CYP39A1: variants seen among roughly 807,000 people sequenced by gnomAD.
CYP39A1 encodes 24-hydroxycholesterol 7-alpha-hydroxylase.
In CYP39A1, 49 loss-of-function variants were observed where a neutral mutation model predicts 58.1. That is an observed-to-expected ratio of 0.84 (90% CI 0.67 to 1.07). The LOEUF (loss-of-function observed/expected upper bound fraction) is 1.07, where lower values mean the gene tolerates loss of function less well. Among genes scored for constraint, CYP39A1 ranks in the 50% least tolerant of loss-of-function variants. CYP39A1 has a pLI of 0.00. For synonymous variants in CYP39A1, 209 were observed against 187.6 expected (o/e 1.11, Z -0.93); for missense variants, 531 against 539.4 (o/e 0.98, Z 0.16).
rs377533267 is a variant in CYP39A1, at chr6:46,636,500, T to C, written c.639-18A>G. The C allele has an allele frequency of 2.7e-6, 4 of 1,507,392 alleles. No homozygotes were observed. Among genetic ancestry groups the C allele is most frequent in the Admixed American group, 1.9e-5 (1 of 53,238 alleles). The allele number at this position is 1,507,392 out of a possible 1,614,324, so 93.4% of individuals were successfully genotyped here. ...ACCAGTTTCTACATGAGAAAAAATA[T>C]ATATAGAAATTAATTGGAAAGCACT... On this transcript the variant is annotated intron_variant, in intron 4 of 11. Transcript: ENST00000275016.
At chr6:46,604,301 C>A (rs965730559) in intron 7 of CYP39A1, among the ~76,000 whole-genome samples, 1 of 152,312 alleles carries the variant, frequency 6.6e-6, no homozygotes, top group African/African-American at 2.4e-5. Context: ...ATACAATCAC[C>A]TTTTCCTGAC....
intron 7 of CYP39A1, among the ~76,000 whole-genome samples, chr6:46,607,925 A>T (rs2150544481): frequency 6.6e-6 from 1 of 152,304 alleles, no homozygotes; most frequent in Admixed American, 6.5e-5. Context: ...CTGCCTTTCC[A>T]TATTCCTAGA....
intron 7 of CYP39A1, among the ~76,000 whole-genome samples, chr6:46,605,447 T>C (rs1372699963): frequency 6.6e-6 from 1 of 152,234 alleles, no homozygotes. Context: ...ATTTTTACTT[T>C]CCTTGTCCCA....
At chr6:46,607,067 G>C (rs7754772) in intron 7 of CYP39A1, among the ~76,000 whole-genome samples, 9,373 of 152,166 alleles carry the variant, frequency 0.062, 632 homozygotes, top group African/African-American at 0.17. Flanking sequence ...TATCAGAGCA[G>C]CCTTCAAACC....
rs1414462273 is a variant in CYP39A1 at position 46,652,677 on chromosome 6, C to G, written c.-95G>C. 5 of 1,195,536 alleles carry G rather than the reference C, an allele frequency of 4.2e-6. No homozygotes were observed. Among genetic ancestry groups the G allele is most frequent in the Non-Finnish European group, 5.7e-6 (5 of 875,538 alleles). The allele number at this position is 1,195,536 out of a possible 1,614,324, so 74.1% of individuals were successfully genotyped here. ...TGGGCTACGGAACCTGTCGGGACTC[C>G]CAACCTTTCTGCTGCAACTTTTGCA... is the stretch of plus-strand genomic sequence containing the variant. On this transcript the variant is annotated 5_prime_UTR_variant, in exon 1 of 12. Coordinates refer to ENST00000275016, the MANE Select transcript of CYP39A1 (RefSeq NM_016593.5).
intron 1 of CYP39A1, 138 bp downstream of exon 1, chr6:46,652,268 A>T: frequency 3.6e-6 from 3 of 842,740 alleles, no homozygotes; most frequent in East Asian, 2.8e-5. Flanking sequence ...AGAGGAATTC[A>T]GAAATGACTA....
intron 9 of CYP39A1, among the ~76,000 whole-genome samples, 164 bp downstream of exon 9, chr6:46,587,870 C>G (rs1161599357): frequency 6.6e-6 from 1 of 152,106 alleles, no homozygotes; most frequent in Non-Finnish European, 1.5e-5. Flanking sequence ...GTTGCACTAT[C>G]TATATTGCAA....
chr6:46,623,016 G>T (rs914892250), intron 7 of CYP39A1, among the ~76,000 whole-genome samples: 2 of 152,160 alleles, frequency 1.3e-5, no homozygotes, highest in Non-Finnish European at 2.9e-5. Flanking sequence ...GTGCCTAGAA[G>T]TGAGTGTTGA....
At chr6:46,620,700 G>C (rs1002430410) in intron 7 of CYP39A1, among the ~76,000 whole-genome samples, 4 of 152,134 alleles carry the variant, frequency 2.6e-5, no homozygotes, top group Non-Finnish European at 4.4e-5. Context: ...CTAAGGCAGA[G>C]TTGTCAACTG....
chr6:46,637,738 C>T, intron 4 of CYP39A1, 91 bp downstream of exon 4: 2 of 1,378,508 alleles, frequency 1.5e-6, no homozygotes, highest in Non-Finnish European at 2.0e-6. Flanking sequence ...ACTTAAACTG[C>T]TGTTACATCT....
intron 10 of CYP39A1, among the ~76,000 whole-genome samples, chr6:46,557,498 C>T (rs1770718257): frequency 6.6e-6 from 1 of 151,834 alleles, no homozygotes; most frequent in South Asian, 2.1e-4. Flanking sequence ...AAAATATTAG[C>T]TGGGCACGGT....
chr6:46,601,897 C>T lies in CYP39A1; in HGVS notation c.932-5777G>A, dbSNP rs1270840749. On this transcript the variant is annotated intron_variant, in intron 7 of 11. Transcript: ENST00000275016. ...GCTGGATCCCTTTCACCTTTTAGCT[C>T]TCAGCTAGAAATTCTCCTCTGCAGA... Among the ~76,000 whole-genome samples the T allele has an allele frequency of 1.1e-4, 16 of 152,208 alleles. No homozygotes were observed. In the East Asian group the frequency reaches 2.9e-3, roughly 28 times the overall value.
rs1773150571 is a variant in CYP39A1 at position 46,596,222 on chromosome 6, G to C, written c.932-102C>G. 5 of 801,118 alleles carry C rather than the reference G, an allele frequency of 6.2e-6. No homozygotes were observed. The South Asian group carries it at 7.0e-5, about 11-fold the overall frequency. 49.6% of individuals were successfully genotyped at this position (801,118 alleles called of 1,614,324 possible). A position where few individuals can be genotyped will look rare whatever the true frequency, so the allele number is the denominator to read the frequency against. On this transcript the variant is annotated intron_variant, in intron 7 of 11. Transcript: ENST00000275016. ...GGTTAGATGTTGCCTCTGACAGCAA[G>C]TAAAGTGTTCCTATTACTATTACCT...
chr6:46,587,535 G>A (rs1400464368), intron 9 of CYP39A1, among the ~76,000 whole-genome samples: 2 of 152,090 alleles, frequency 1.3e-5, no homozygotes, highest in South Asian at 2.1e-4. Flanking sequence ...GAAAAAGCTT[G>A]GGATGCAGAA....
At chr6:46,636,299 T>C in intron 5 of CYP39A1, 90 bp downstream of exon 5, 1 of 900,082 alleles carries the variant, frequency 1.1e-6, no homozygotes. Context: ...TGGTATCTAA[T>C]CAATCTCATG....
chr6:46,579,011 A>C (rs1237948130), intron 10 of CYP39A1, among the ~76,000 whole-genome samples: 1 of 152,120 alleles, frequency 6.6e-6, no homozygotes, highest in African/African-American at 2.4e-5. Context: ...ACAATGAAAA[A>C]AGAAAACTTC....
intron 7 of CYP39A1, among the ~76,000 whole-genome samples, chr6:46,622,205 G>C (rs1037489008): frequency 2.0e-5 from 3 of 152,158 alleles, no homozygotes; most frequent in Non-Finnish European, 4.4e-5. Context: ...TAATGGGTAT[G>C]GGATTTATTT....
intron 8 of CYP39A1, among the ~76,000 whole-genome samples, chr6:46,591,267 T>C (rs1027664830): frequency 1.3e-5 from 2 of 152,122 alleles, no homozygotes; most frequent in African/African-American, 4.8e-5. Context: ...TGTTCTGTCC[T>C]GATTAACCTA....
intron 9 of CYP39A1, among the ~76,000 whole-genome samples, chr6:46,587,398 T>C (rs1251308978): frequency 1.3e-5 from 2 of 152,130 alleles, no homozygotes; most frequent in African/African-American, 4.8e-5. Context: ...ATGTAAATGA[T>C]AAGGTAAATC....
Sources: gnomAD v4.1 joint callset for allele counts (sites outside exome capture counted in the v4.1 genomes callset) on GRCh38, gnomAD v4.1.1 for gene constraint, MANE v1.5 for transcripts, NCBI Gene and HGNC (gene_info 2026-07-23, HGNC 2026-07-21) for gene names.